Variants in PLXNB1 observed in about 807,000 individuals in gnomAD.
The protein encoded by PLXNB1 is plexin-B1.
PLXNB1 carries 106 observed loss-of-function variants against 209.4 expected under a neutral mutation model. The observed-to-expected ratio is 0.51, with a 90% confidence interval of 0.43 to 0.59. The LOEUF is 0.59. Among genes scored for constraint, PLXNB1 ranks in the 20% least tolerant of loss-of-function variants. The probability of loss-of-function intolerance (pLI) is 0.00; values close to 1 mark genes in which losing one functional copy is unlikely to be tolerated. For synonymous variants in PLXNB1, 1,167 were observed against 1,183.2 expected (o/e 0.99, Z 0.28); for missense variants, 2,357 against 2,853.2 (o/e 0.83, Z 3.96).
Position 48,404,383 on chromosome 3 carries a change from G to C in PLXNB1, c.*103C>G. On this transcript the variant is annotated 3_prime_UTR_variant, in exon 38 of 38. Transcript: ENST00000296440. ...CTGGGAGTCACCTTCCACTAACTCT[G>C]CTTGTCAGTCACTACAGGCACCTAA... is the stretch of plus-strand genomic sequence containing the variant. 2.9e-6 allele frequency: 2 copies of C among 685,548 alleles called. No homozygotes were observed. The highest frequency in any genetic ancestry group is 5.0e-6 in the Non-Finnish European group (2 of 403,262). 42.5% of individuals were successfully genotyped at this position (685,548 alleles called of 1,614,324 possible).
Position 48,419,240 on chromosome 3 carries a change from T to G in PLXNB1, c.2832+4A>C. ...AAGGACAGCGGCAGGCAGGACACACTGACCTGGAAAAGGTGCAGGTTCCTG... is the reference window on the plus strand; with the variant it reads ...AAGGACAGCGGCAGGCAGGACACACGGACCTGGAAAAGGTGCAGGTTCCTG... On this transcript the variant is annotated splice_donor_region_variant and intron_variant, in intron 12 of 37. Coordinates refer to ENST00000296440, the MANE Select transcript of PLXNB1 (RefSeq NM_001130082.3). This position sits in a 1 kb window ranked among gnomAD's most constrained non-coding sequence, Gnocchi z 5.7. The G allele has an allele frequency of 6.4e-7, 1 of 1,563,918 alleles. No homozygotes were observed. Among genetic ancestry groups the G allele is most frequent in the Non-Finnish European group, 8.7e-7 (1 of 1,152,276 alleles).
rs2038024287 is a variant in PLXNB1 at position 48,415,506 on chromosome 3, C to T, written c.3794+77G>A. On this transcript the variant is annotated intron_variant, in intron 19 of 37. Coordinates refer to ENST00000296440, the MANE Select transcript of PLXNB1 (RefSeq NM_001130082.3). This position sits in a 1 kb window ranked among gnomAD's most constrained non-coding sequence, Gnocchi z 5.0. Reference sequence around the variant, plus strand: ...GGATTCTCAGTGCCTCAACATAAAGCCCTACAAACCCCCACATAGTGGAGC... The same window carrying T: ...GGATTCTCAGTGCCTCAACATAAAGTCCTACAAACCCCCACATAGTGGAGC... 6.9e-7 allele frequency: 1 copy of T among 1,449,600 alleles called. No homozygotes were observed. The highest frequency in any genetic ancestry group is 2.1e-5 in the Admixed American group (1 of 48,090). 89.8% of individuals were successfully genotyped at this position (1,449,600 alleles called of 1,614,324 possible). A position where few individuals can be genotyped will look rare whatever the true frequency, so the allele number is the denominator to read the frequency against.
Position 48,405,530 on chromosome 3 carries a change from G to A in PLXNB1, c.6303+194C>T, listed in dbSNP as rs1440729096. Among the ~76,000 whole-genome samples the A allele has an allele frequency of 6.6e-6, 1 of 152,194 alleles. No individual in the cohort carries two copies. The highest frequency in any genetic ancestry group is 1.5e-5 in the Non-Finnish European group (1 of 68,026). Reference sequence around the variant, plus strand: ...GGGGAGCTGGAATGGGGAGCAGTGGGACAGGTGAGAGCACAGCCAATGCCA... The same window carrying A: ...GGGGAGCTGGAATGGGGAGCAGTGGAACAGGTGAGAGCACAGCCAATGCCA... On this transcript the variant is annotated intron_variant, in intron 37 of 37. Coordinates refer to ENST00000296440, the MANE Select transcript of PLXNB1 (RefSeq NM_001130082.3). This position sits in a 1 kb window ranked among gnomAD's most constrained non-coding sequence, Gnocchi z 5.0.
Position 48,413,692 on chromosome 3 carries a change from T to C in PLXNB1, c.4513A>G (p.Ile1505Val). The C allele has an allele frequency of 1.2e-6, 2 of 1,613,356 alleles. No homozygotes were observed. Among genetic ancestry groups the C allele is most frequent in the Non-Finnish European group, 1.7e-6 (2 of 1,179,854 alleles). ...CACCTGTACATGAGGACAATGATGA[T>C]GACACCCAGAGCCAGAAGAGAGGTG... ...VGTSLLALGV[I>V]IIVLMYRRKS... The change falls in exon 23 of 38, where the codon ATC becomes GTC. Residue 1505 changes from isoleucine (I) to valine (V), a missense_variant. Ile to Val is a conservative substitution (Grantham distance 29, BLOSUM62 3). Coordinates refer to ENST00000296440, the MANE Select transcript of PLXNB1 (RefSeq NM_001130082.3). This position sits in a 1 kb window ranked among gnomAD's most constrained non-coding sequence, Gnocchi z 5.4.
Position 48,417,763 on chromosome 3 carries a change from G to A in PLXNB1, c.3374+148C>T. ...TGGTGGGTGCTCAGGGTCTTCAGTG[G>A]CAACGCTGGCACTCGGGCATTGTGG... is the stretch of plus-strand genomic sequence containing the variant. On this transcript the variant is annotated intron_variant, in intron 16 of 37. Transcript: ENST00000296440. The surrounding 1 kb of genome is among the most constrained non-coding windows in gnomAD (Gnocchi z 4.4). 2 of 858,900 alleles carry A rather than the reference G, an allele frequency of 2.3e-6. No individual in the cohort carries two copies. Among genetic ancestry groups the A allele is most frequent in the Non-Finnish European group, 3.6e-6 (2 of 561,794 alleles). 53.2% of individuals were successfully genotyped at this position (858,900 alleles called of 1,614,324 possible). A position where few individuals can be genotyped will look rare whatever the true frequency, so the allele number is the denominator to read the frequency against.
rs2038038224 is a variant in PLXNB1 at position 48,415,656 on chromosome 3, G to A, written c.3721C>T (p.Leu1241Phe). 2 of 1,572,982 alleles carry A rather than the reference G, an allele frequency of 1.3e-6. No individual in the cohort carries two copies. The highest frequency in any genetic ancestry group is 3.8e-5 in the Admixed American group (2 of 53,302). Residue 1241 changes from leucine (L) to phenylalanine (F), a missense_variant, in exon 19 of 38, where the codon CTT becomes TTT. This residue lies in a region of PLXNB1 where 743 missense variants were observed against 896.2 expected (regional missense o/e 0.83). Coordinates refer to ENST00000296440, the MANE Select transcript of PLXNB1 (RefSeq NM_001130082.3). The surrounding 1 kb of genome is among the most constrained non-coding windows in gnomAD (Gnocchi z 5.0). Reference sequence around the variant, plus strand: ...GTATACTTGAACTGTCCGCGTTGAAGCCTCCGCTCCGTGGCCCCAAACCAC... The same window carrying A: ...GTATACTTGAACTGTCCGCGTTGAAACCTCCGCTCCGTGGCCCCAAACCAC... ...AVWFGATERR[L>F]QRGQFKYTLD...
rs1466770156 is a variant in PLXNB1 at position 48,424,045 on chromosome 3, C to A, written c.567G>T (p.Leu189=). ...GGIPPITTRA[L]WPPDPQAAFS... is the part of the protein sequence containing the mutation. The stretch of plus-strand genomic sequence containing the variant: ...AGGCAGCTTGGGGGTCGGGCGGCCA[C>A]AGGGCCCGGGTTGTGATGGGTGGAA... Residue 189 remains leucine (L), a synonymous_variant, in exon 3 of 38, where the codon CTG becomes CTT. Transcript: ENST00000296440. The A allele has an allele frequency of 2.1e-5, 34 of 1,598,126 alleles. No homozygotes were observed. The highest frequency in any genetic ancestry group is 2.9e-5 in the Non-Finnish European group (34 of 1,171,732).
chr3:48,420,542 T>C (rs1328609661), intron 10 of PLXNB1, 123 bp downstream of exon 10: 1 of 774,938 alleles, frequency 1.3e-6, no homozygotes, highest in Non-Finnish European at 2.2e-6. Context: ...GTCCGTCACA[T>C]ACAGCGGCTC....
rs1232014295 is a variant in PLXNB1 at position 48,407,060 on chromosome 3, C to T, written c.6119G>A (p.Arg2040Gln). ...CATCCGCTTGTACCGGGGAATGTCC[C>T]GTGCATACAGAAGTTTGTTGATCGG... The part of the protein sequence containing the change: ...DSPINKLLYA[R>Q]DIPRYKRMVE... Residue 2040 changes from arginine (R) to glutamine (Q), a missense_variant, in exon 35 of 38, where the codon CGG becomes CAG. Physicochemically the swap from Arg to Gln is conservative, Grantham distance 43. Transcript: ENST00000296440. 3 of 1,614,130 alleles carry T rather than the reference C, an allele frequency of 1.9e-6. No individual in the cohort carries two copies. Among genetic ancestry groups the T allele is most frequent in the South Asian group, 2.2e-5 (2 of 91,080 alleles).
chr3:48,416,530 C>T lies in PLXNB1; in HGVS notation c.3375-79G>A. On this transcript the variant is annotated intron_variant, in intron 16 of 37. Transcript: ENST00000296440. This position sits in a 1 kb window ranked among gnomAD's most constrained non-coding sequence, Gnocchi z 4.1. ...GCTTACCTGGCAGCCCCTCTCCCTGCCCTACTGTCAGGTGGTCTTCCCCTT... is the reference window on the plus strand; with the variant it reads ...GCTTACCTGGCAGCCCCTCTCCCTGTCCTACTGTCAGGTGGTCTTCCCCTT... 1 of 893,472 alleles carries T rather than the reference C, an allele frequency of 1.1e-6. No individual in the cohort carries two copies. The highest frequency in any genetic ancestry group is 1.8e-6 in the Non-Finnish European group (1 of 568,606). The allele number at this position is 893,472 out of a possible 1,614,324, so 55.3% of individuals were successfully genotyped here.
At position 48,420,241 on chromosome 3, in the gene PLXNB1, G is replaced by T. The variant is rs2038415822; in HGVS notation, c.2045C>A (p.Pro682Gln). Residue 682 changes from proline (P) to glutamine (Q), a missense_variant, in exon 11 of 38, where the codon CCA becomes CAA. This residue lies in a region of PLXNB1 where 214 missense variants were observed against 297.1 expected (regional missense o/e 0.72). Coordinates refer to ENST00000296440, the MANE Select transcript of PLXNB1 (RefSeq NM_001130082.3). Reference sequence around the variant, plus strand: ...GGGTCCACCTCTTGCAGGAGGGTCTGGGGAGACAAGCGGGCTCTGAAGGGG... The same window carrying T: ...GGGTCCACCTCTTGCAGGAGGGTCTTGGGAGACAAGCGGGCTCTGAAGGGG... ...VASHQSPLVS[P>Q]DPPARGGPSP... 1 of 1,546,508 alleles carries T rather than the reference G, an allele frequency of 6.5e-7. No individual in the cohort carries two copies. Among genetic ancestry groups the T allele is most frequent in the African/African-American group, 1.4e-5 (1 of 73,116 alleles).
chr3:48,405,863 C>A lies in PLXNB1; in HGVS notation c.6229-65G>T. On this transcript the variant is annotated intron_variant, in intron 36 of 37. Transcript: ENST00000296440. This position sits in a 1 kb window ranked among gnomAD's most constrained non-coding sequence, Gnocchi z 5.0. ...GTGCAGAGAGCCACAGGAGGCAGCC[C>A]AGGACCCCAGGGAAGGGCTGGGGGA... 1 of 1,323,708 alleles carries A rather than the reference C, an allele frequency of 7.6e-7. No individual in the cohort carries two copies. Among genetic ancestry groups the A allele is most frequent in the Non-Finnish European group, 1.1e-6 (1 of 925,018 alleles). The allele number at this position is 1,323,708 out of a possible 1,614,324, so 82.0% of individuals were successfully genotyped here.
chr3:48,420,633 C>T (rs367792189), intron 10 of PLXNB1, 32 bp downstream of exon 10: 7 of 1,565,538 alleles, frequency 4.5e-6, no homozygotes, highest in Non-Finnish European at 6.2e-6. Flanking sequence ...CCCCAACCCC[C>T]CCGGTATGGC....
At chr3:48,421,631 C>T (rs1398739545) in intron 7 of PLXNB1, 43 bp downstream of exon 7, 1 of 1,555,888 alleles carries the variant, frequency 6.4e-7, no homozygotes, top group Non-Finnish European at 8.8e-7. Flanking sequence ...ACCTTGATGC[C>T]CAGAGCCCTC....
chr3:48,415,665 C>T lies in PLXNB1; in HGVS notation c.3712G>A (p.Glu1238Lys), dbSNP rs1362954535. ...LPVAVWFGAT[E>K]RRLQRGQFKY... is the part of the protein sequence containing the mutation. Reference sequence around the variant, plus strand: ...AACTGTCCGCGTTGAAGCCTCCGCTCCGTGGCCCCAAACCACACAGCCACA... The same window carrying T: ...AACTGTCCGCGTTGAAGCCTCCGCTTCGTGGCCCCAAACCACACAGCCACA... Residue 1238 changes from glutamate to lysine, a missense_variant, in exon 19 of 38, where the codon GAG becomes AAG. Physicochemically the swap from Glu to Lys is moderately conservative, Grantham distance 56. Coordinates refer to ENST00000296440, the MANE Select transcript of PLXNB1 (RefSeq NM_001130082.3). This position sits in a 1 kb window ranked among gnomAD's most constrained non-coding sequence, Gnocchi z 5.0. 3.9e-5 allele frequency: 61 copies of T among 1,566,014 alleles called. No homozygotes were observed. Among genetic ancestry groups the T allele is most frequent in the Non-Finnish European group, 4.9e-5 (57 of 1,154,706 alleles).
Position 48,424,290 on chromosome 3 carries a change from G to C in PLXNB1, c.322C>G (p.Leu108Val). Residue 108 changes from leucine (L) to valine (V), a missense_variant, in exon 3 of 38, where the codon CTG (leucine) becomes GTG (valine). By Grantham distance (32) the Leu-to-Val change is conservative (BLOSUM62 1). Coordinates refer to ENST00000296440, the MANE Select transcript of PLXNB1 (RefSeq NM_001130082.3). ...NQLLLVSPGA[L>V]VVCGSVHQGV... Reference sequence around the variant, plus strand: ...TGGTGCACGCTCCCGCATACCACCAGGGCCCCTGGGCTCACCAGGAGCAGC... The same window carrying C: ...TGGTGCACGCTCCCGCATACCACCACGGCCCCTGGGCTCACCAGGAGCAGC... 1 of 1,575,810 alleles carries C rather than the reference G, an allele frequency of 6.3e-7. No homozygotes were observed. The highest frequency in any genetic ancestry group is 8.6e-7 in the Non-Finnish European group (1 of 1,160,790).
rs758496127 is a variant in PLXNB1 at position 48,422,824 on chromosome 3, T to C, written c.1231A>G (p.Thr411Ala). ...PGIQLTAVAVTMEDGHTIAFL... is the reference protein window; with the variant it reads ...PGIQLTAVAVAMEDGHTIAFL... The stretch of plus-strand genomic sequence containing the variant: ...GCGATGGTGTGTCCATCTTCCATGG[T>C]GACTGCCACAGCTGTTAGCTGAATC... Residue 411 changes from threonine to alanine, a missense_variant, in exon 4 of 38, where the codon ACC becomes GCC. By Grantham distance (58) the Thr-to-Ala change is moderately conservative (BLOSUM62 0). Around this residue, in one of 7 missense-constraint regions of PLXNB1, gnomAD observed 404 missense variants for 443.6 expected, o/e 0.91. Transcript: ENST00000296440. The C allele has an allele frequency of 1.2e-6, 2 of 1,614,100 alleles. No homozygotes were observed. The highest frequency in any genetic ancestry group is 1.7e-6 in the Non-Finnish European group (2 of 1,179,974).
chr3:48,421,970 G>A (rs1206308250), intron 6 of PLXNB1, 135 bp downstream of exon 6: 10 of 1,307,058 alleles, frequency 7.7e-6, no homozygotes, highest in Non-Finnish European at 1.1e-5. Flanking sequence ...TGCAGAGGAT[G>A]GGGGTGAGGA....
rs776693544 is a variant in PLXNB1, at chr3:48,410,380, C to T, written c.5521G>A (p.Val1841Ile). The T allele has an allele frequency of 6.2e-7, 1 of 1,613,358 alleles. No homozygotes were observed. The highest frequency in any genetic ancestry group is 1.1e-5 in the South Asian group (1 of 91,048). ...RRLNTLQHYK[V>I]PDGATVALVP... ...AGGGCCACAGTTGCTCCATCTGGGACCTGCTGAGCACAGCTGGTGATCCCT... is the reference window on the plus strand; with the variant it reads ...AGGGCCACAGTTGCTCCATCTGGGATCTGCTGAGCACAGCTGGTGATCCCT... The change falls in exon 31 of 38, where the codon GTC becomes ATC. Residue 1841 changes from valine to isoleucine, a missense_variant and splice_region_variant. This residue lies in a region of PLXNB1 where 414 missense variants were observed against 520.5 expected (regional missense o/e 0.80). Transcript: ENST00000296440. The surrounding 1 kb of genome is among the most constrained non-coding windows in gnomAD (Gnocchi z 6.4).
Sources: gnomAD v4.1 joint callset for allele counts (sites outside exome capture counted in the v4.1 genomes callset) on GRCh38, gnomAD v4.1.1 for gene constraint, gnomAD v4.1.1 regional missense constraint, Gnocchi (gnomAD v3.1) non-coding constraint, MANE v1.5 for transcripts, NCBI Gene and HGNC (gene_info 2026-07-23, HGNC 2026-07-21) for gene names.